The following FSTL4 variants were observed in gnomAD, a reference collection of about 807,000 sequenced individuals.
FSTL4 encodes follistatin-related protein 4.
In FSTL4, 28 loss-of-function variants were observed where a neutral mutation model predicts 78.2. The ratio of observed to expected loss-of-function variants is 0.36; its 90% CI spans 0.27 to 0.49. FSTL4 has a LOEUF of 0.49. Among genes scored for constraint, FSTL4 ranks in the 20% least tolerant of loss-of-function variants. The pLI, the probability that FSTL4 is intolerant of heterozygous loss-of-function variation, is 0.98. For synonymous variants in FSTL4, 422 were observed against 440.5 expected (o/e 0.96, Z 0.53); for missense variants, 922 against 1,084.9 (o/e 0.85, Z 2.11).
the FSTL4 span, among the ~76,000 whole-genome samples, chr5:133,719,016 TG>T: frequency 1.3e-5 from 2 of 152,218 alleles, no homozygotes; most frequent in Non-Finnish European, 2.9e-5. Context: ...AAAAATATTT[TG>T]GGGGGAAAAC....
chr5:133,643,170 A>G, the FSTL4 span, among the ~76,000 whole-genome samples: 4 of 152,166 alleles, frequency 2.6e-5, no homozygotes, highest in Non-Finnish European at 5.9e-5. Context: ...AAGCATACGT[A>G]TATGTATATG....
At chr5:133,227,684 A>G (rs753044992) in intron 8 of FSTL4, among the ~76,000 whole-genome samples, 4 of 152,318 alleles carry the variant, frequency 2.6e-5, no homozygotes, top group East Asian at 3.9e-4. Context: ...CCACAGAATA[A>G]ACTTAAAGAA....
intron 3 of FSTL4, among the ~76,000 whole-genome samples, chr5:133,532,138 CATG>C (rs1192892585): frequency 6.6e-6 from 1 of 152,156 alleles, no homozygotes; most frequent in Non-Finnish European, 1.5e-5. Context: ...GAGAAGGAGA[CATG>C]ATGACAGAAG....
the FSTL4 span, among the ~76,000 whole-genome samples, chr5:133,794,940 T>A: frequency 6.6e-6 from 1 of 152,182 alleles, no homozygotes; most frequent in African/African-American, 2.4e-5. Flanking sequence ...GCCCTTCAAC[T>A]CCTCCCTCTA....
At chr5:133,349,141 C>T (rs529035896) in intron 4 of FSTL4, among the ~76,000 whole-genome samples, 1 of 152,164 alleles carries the variant, frequency 6.6e-6, no homozygotes, top group Non-Finnish European at 1.5e-5. Context: ...GTCCTCTTTG[C>T]AGAGGGAAGG....
intron 6 of FSTL4, among the ~76,000 whole-genome samples, chr5:133,276,730 T>A (rs567351533): frequency 6.6e-6 from 1 of 152,198 alleles, no homozygotes; most frequent in Non-Finnish European, 1.5e-5. Flanking sequence ...AGAGATAGAT[T>A]TCTGACAGAG....
chr5:133,663,213 A>T, the FSTL4 span, among the ~76,000 whole-genome samples: 1 of 152,214 alleles, frequency 6.6e-6, no homozygotes, highest in Non-Finnish European at 1.5e-5. Context: ...ACACACACAC[A>T]CACGAATACA....
the FSTL4 span, among the ~76,000 whole-genome samples, chr5:133,740,864 C>T: frequency 1.3e-5 from 2 of 152,056 alleles, no homozygotes; most frequent in Non-Finnish European, 2.9e-5. Flanking sequence ...TAGGTAGCCC[C>T]GTGCAGGACC....
chr5:133,724,399 C>T, the FSTL4 span, among the ~76,000 whole-genome samples: 1 of 147,774 alleles, frequency 6.8e-6, no homozygotes, highest in Admixed American at 7.2e-5. Flanking sequence ...CTGTGCTCTG[C>T]AAGATTTCTA....
chr5:133,711,499 G>A, the FSTL4 span, among the ~76,000 whole-genome samples: 1 of 152,222 alleles, frequency 6.6e-6, no homozygotes, highest in African/African-American at 2.4e-5. Context: ...TTGCTAGCTA[G>A]CACCAGGTCT....
At chr5:133,275,561 AAAAAAAC>A (rs1752864489) in intron 6 of FSTL4, among the ~76,000 whole-genome samples, 1 of 114,822 alleles carries the variant, frequency 8.7e-6, no homozygotes, top group Non-Finnish European at 1.7e-5. Context: ...ACTCTGTCTT[AAAAAAAC>A]AAAAAAAAAA....
the FSTL4 span, among the ~76,000 whole-genome samples, chr5:133,669,840 C>A: frequency 6.6e-6 from 1 of 152,214 alleles, no homozygotes; most frequent in Non-Finnish European, 1.5e-5. Context: ...CCTCCCCGCA[C>A]TGCAACCAGA....
chr5:133,749,855 G>A, the FSTL4 span, among the ~76,000 whole-genome samples: 1 of 152,218 alleles, frequency 6.6e-6, no homozygotes, highest in Admixed American at 6.5e-5. Context: ...AATGACTTGA[G>A]TAGGGTTTAG....
the FSTL4 span, among the ~76,000 whole-genome samples, chr5:133,669,186 G>A: frequency 1.3e-5 from 2 of 152,180 alleles, no homozygotes; most frequent in Admixed American, 6.5e-5. Flanking sequence ...GACATGCCAG[G>A]TTCTTCCCTG....
chr5:133,711,657 A>G, the FSTL4 span, among the ~76,000 whole-genome samples: 2 of 152,190 alleles, frequency 1.3e-5, no homozygotes, highest in Non-Finnish European at 2.9e-5. Context: ...AGAAGAAACA[A>G]CCGTCCTTGA....
chr5:133,348,637 A>C (rs547264233), intron 4 of FSTL4, among the ~76,000 whole-genome samples: 1 of 152,124 alleles, frequency 6.6e-6, no homozygotes, highest in Admixed American at 6.5e-5. Context: ...GGAGTGGGCC[A>C]CTCTCAGCTG....
intron 3 of FSTL4, among the ~76,000 whole-genome samples, chr5:133,486,217 C>A (rs1301341906): frequency 6.6e-6 from 1 of 151,744 alleles, no homozygotes; most frequent in African/African-American, 2.4e-5. Flanking sequence ...CACAGACACA[C>A]TACGAGAGTA....
At chr5:133,773,866 T>C in the FSTL4 span, among the ~76,000 whole-genome samples, 1 of 152,186 alleles carries the variant, frequency 6.6e-6, no homozygotes, top group African/African-American at 2.4e-5. Flanking sequence ...TACTCACCCA[T>C]TTGTAGAGAG....
chr5:133,233,347 G>A, intron 8 of FSTL4, 70 bp downstream of exon 8: 2 of 1,537,678 alleles, frequency 1.3e-6, no homozygotes, highest in Non-Finnish European at 1.8e-6. Context: ...ACAGGAGGGG[G>A]CGAGGGTTGA....
Sources: gnomAD v4.1 joint callset for allele counts (sites outside exome capture counted in the v4.1 genomes callset) on GRCh38, gnomAD v4.1.1 for gene constraint, MANE v1.5 for transcripts, NCBI Gene and HGNC (gene_info 2026-07-23, HGNC 2026-07-21) for gene names.